Variants in CREB3L4 observed in about 807,000 individuals in gnomAD.
The protein encoded by CREB3L4 is cyclic AMP-responsive element-binding protein 3-like protein 4.
Under a neutral mutation model 37.0 loss-of-function variants are expected in CREB3L4, and 28 were observed. That is an observed-to-expected ratio of 0.76 (90% CI 0.56 to 1.04). CREB3L4 has a LOEUF of 1.04. Among genes scored for constraint, CREB3L4 ranks in the 50% least tolerant of loss-of-function variants. CREB3L4 has a pLI of 0.00. For synonymous variants in CREB3L4, 175 were observed against 192.2 expected, an observed-to-expected ratio of 0.91 and a Z score of 0.74; for missense variants, 462 against 486.0, an observed-to-expected ratio of 0.95 and a Z score of 0.46.
intron 1 of CREB3L4, 47 bp from the exon 2 acceptor site, chr1:153,968,475 C>G: frequency 3.2e-6 from 5 of 1,567,090 alleles, no homozygotes; most frequent in Non-Finnish European, 4.4e-6. Flanking sequence ...TAGTAAGCAG[C>G]CATCATTCCG....
rs1407492191 is a variant in CREB3L4 at position 153,973,391 on chromosome 1, C to G, written c.824C>G (p.Ala275Gly). Reference sequence around the variant, plus strand: ...TCCTCCTTTCCCAGCTCCTTGGTAGCTCAGCTCCGCCAGCTGCAGACGCTA... The same window carrying G: ...TCCTCCTTTCCCAGCTCCTTGGTAGGTCAGCTCCGCCAGCTGCAGACGCTA... ...ELERHNISLV[A>G]QLRQLQTLIA... Residue 275 changes from alanine to glycine, a missense_variant, in exon 8 of 10, where the codon GCT becomes GGT. By Grantham distance (60) the Ala-to-Gly change is moderately conservative. Transcript: ENST00000368607. The G allele has an allele frequency of 1.2e-6, 2 of 1,614,036 alleles. No individual in the cohort carries two copies. The highest frequency in any genetic ancestry group is 3.3e-5 in the Admixed American group (2 of 59,996).
intron 1 of CREB3L4, 99 bp downstream of exon 1, chr1:153,968,263 A>G (rs6661009): frequency 3.2e-6 from 1 of 314,638 alleles, no homozygotes; most frequent in Non-Finnish European, 5.9e-6. Flanking sequence ...GTGTTTGGGG[A>G]GGTCAACGGG....
At chr1:153,968,263 A>C (rs6661009) in intron 1 of CREB3L4, 99 bp downstream of exon 1, 165,958 of 314,036 alleles carry the variant, frequency 0.53, 47,505 homozygotes, top group East Asian at 0.94. Flanking sequence ...GTGTTTGGGG[A>C]GGTCAACGGG....
Position 153,974,245 on chromosome 1 carries a change from T to C in CREB3L4, c.*180T>C. 1.8e-6 allele frequency: 1 copy of C among 569,396 alleles called. No homozygotes were observed. Among genetic ancestry groups the C allele is most frequent in the Admixed American group, 3.0e-5 (1 of 32,802 alleles). 35.3% of individuals were successfully genotyped at this position (569,396 alleles called of 1,614,324 possible). ...GAGGCCTAGTCTGCATTTGTTTGCA[T>C]ATATGAGAGGGTACCTCAAATACTT... is the stretch of plus-strand genomic sequence containing the variant. On this transcript the variant is annotated 3_prime_UTR_variant, in exon 10 of 10. Coordinates refer to ENST00000368607, the MANE Select transcript of CREB3L4 (RefSeq NM_001255978.2).
At chr1:153,968,876 G>C in intron 2 of CREB3L4, 54 bp from the exon 3 acceptor site, 1 of 1,552,592 alleles carries the variant, frequency 6.4e-7, no homozygotes, top group South Asian at 1.2e-5. Flanking sequence ...CATAAGTCAG[G>C]GAGGACTTCC....
upstream of CREB3L4, chr1:153,967,814 C>T (rs184126855): frequency 1.3e-5 from 2 of 152,318 alleles, no homozygotes; most frequent in East Asian, 3.9e-4. Flanking sequence ...AAGTCTTCAG[C>T]TTCCAATCAG....
rs748389952 is a variant in CREB3L4 at position 153,974,028 on chromosome 1, G to A, written c.1151G>A (p.Gly384Glu). ...EKMGGKPRPS[G>E]RIRSVLHADE... is the part of the protein sequence containing the mutation. ...ATGGGAGGGAAGCCAAGACCCAGTGGGCGCATCCGGTCCGTGCTGCATGCA... is the reference window on the plus strand; with the variant it reads ...ATGGGAGGGAAGCCAAGACCCAGTGAGCGCATCCGGTCCGTGCTGCATGCA... The change falls in exon 10 of 10, where the codon GGG (glycine) becomes GAG (glutamate). Residue 384 changes from glycine (G) to glutamate (E), a missense_variant. Physicochemically the swap from Gly to Glu is moderately conservative, Grantham distance 98. Transcript: ENST00000368607. 1.9e-6 allele frequency: 3 copies of A among 1,613,968 alleles called. No homozygotes were observed. Among genetic ancestry groups the A allele is most frequent in the African/African-American group, 2.7e-5 (2 of 74,906 alleles).
intron 3 of CREB3L4, 52 bp from the exon 4 acceptor site, chr1:153,969,282 G>T: frequency 6.2e-7 from 1 of 1,614,116 alleles, no homozygotes; most frequent in Non-Finnish European, 8.5e-7. Context: ...CCCTGCGGCT[G>T]TCAGGGTGTT....
intron 4 of CREB3L4, 71 bp downstream of exon 4, chr1:153,969,526 T>A (rs1648137746): frequency 6.4e-7 from 1 of 1,556,638 alleles, no homozygotes; most frequent in African/African-American, 1.4e-5. Context: ...AGCAAAGGGA[T>A]GAGGGAATGG....
chr1:153,969,080 TCTC>T lies in CREB3L4; in HGVS notation c.328_330del (p.Pro110del). Reference sequence around the variant, plus strand: ...TCCCCCTGCCCCCAGGGCAACCAGTTCTCCTATGCTCTATGAGGTTGTCTATGA... The same window carrying T: ...TCCCCCTGCCCCCAGGGCAACCAGTTCTATGCTCTATGAGGTTGTCTATGA... On this transcript the variant is annotated inframe_deletion, in exon 3 of 10. Coordinates refer to ENST00000368607, the MANE Select transcript of CREB3L4 (RefSeq NM_001255978.2). 1 of 1,614,066 alleles carries T rather than the reference TCTC, an allele frequency of 6.2e-7. No homozygotes were observed. The highest frequency in any genetic ancestry group is 8.5e-7 in the Non-Finnish European group (1 of 1,179,988).
Position 153,974,273 on chromosome 1 carries a change from G to A in CREB3L4, c.*208G>A, listed in dbSNP as rs565021994. On this transcript the variant is annotated 3_prime_UTR_variant, in exon 10 of 10. Transcript: ENST00000368607. ...ATGAGAGGGTACCTCAAATACTTCT[G>A]TTATGTATCTGTGATTTTATTTCTT... 1.3e-5 allele frequency: 7 copies of A among 521,678 alleles called. No individual in the cohort carries two copies. In the East Asian group the frequency reaches 2.0e-4, roughly 15 times the overall value. The allele number at this position is 521,678 out of a possible 1,614,324, so 32.3% of individuals were successfully genotyped here.
At chr1:153,971,980 G>A (rs1056226694) in intron 4 of CREB3L4, among the ~76,000 whole-genome samples, 2 of 151,982 alleles carry the variant, frequency 1.3e-5, no homozygotes, top group Non-Finnish European at 1.5e-5. Flanking sequence ...CCACCACCAC[G>A]CCCTGCTAAT....
At chr1:153,972,034 G>A (rs1361061808) in intron 4 of CREB3L4, among the ~76,000 whole-genome samples, 2 of 152,162 alleles carry the variant, frequency 1.3e-5, no homozygotes, top group East Asian at 3.9e-4. Context: ...TGTTGGCCAG[G>A]CTGGTCTTGA....
chr1:153,968,510 G>C lies in CREB3L4; in HGVS notation c.-4-12G>C, dbSNP rs200337051. Reference sequence around the variant, plus strand: ...GTTTCTGCAACCCTCCGTCCCACACGCCTTCCTGCAGAAGCATGGATCTCG... The same window carrying C: ...GTTTCTGCAACCCTCCGTCCCACACCCCTTCCTGCAGAAGCATGGATCTCG... On this transcript the variant is annotated splice_polypyrimidine_tract_variant and intron_variant, in intron 1 of 9. Coordinates refer to ENST00000368607, the MANE Select transcript of CREB3L4 (RefSeq NM_001255978.2). The C allele has an allele frequency of 6.6e-5, 107 of 1,609,398 alleles. 1 individual carries two copies. Among genetic ancestry groups the C allele is most frequent in the Non-Finnish European group, 8.8e-5 (104 of 1,177,072 alleles).
In CREB3L4 at chr1:153,969,328, C is replaced by T. The variant is rs1349901389; in HGVS notation, c.422-6C>T. The T allele has an allele frequency of 1.9e-6, 3 of 1,614,130 alleles. No individual in the cohort carries two copies. Among genetic ancestry groups the T allele is most frequent in the African/African-American group, 2.7e-5 (2 of 74,932 alleles). On this transcript the variant is annotated splice_region_variant and splice_polypyrimidine_tract_variant and intron_variant, in intron 3 of 9. Coordinates refer to ENST00000368607, the MANE Select transcript of CREB3L4 (RefSeq NM_001255978.2). ...CTTTCTCCCAGCTACCTGTTTTCTACTCCAGATCAGTGGAGCCCAGCATTT... is the reference window on the plus strand; with the variant it reads ...CTTTCTCCCAGCTACCTGTTTTCTATTCCAGATCAGTGGAGCCCAGCATTT...
rs747992305 is a variant in CREB3L4 at position 153,972,735 on chromosome 1, T to TACCCCC, written c.544-7_544-2dup. ...CTCCTATTGCATCTTCTCCTGCCCC[T>TACCCCC]ACCCCCAGCTGCCCTGTCAAACCCT... On this transcript the variant is annotated splice_polypyrimidine_tract_variant and intron_variant, in intron 4 of 9. Coordinates refer to ENST00000368607, the MANE Select transcript of CREB3L4 (RefSeq NM_001255978.2). 6.2e-7 allele frequency: 1 copy of TACCCCC among 1,612,116 alleles called. No individual in the cohort carries two copies. The highest frequency in any genetic ancestry group is 1.1e-5 in the South Asian group (1 of 90,908).
In CREB3L4 at chr1:153,970,425, C is replaced by T. The variant is rs1431770997; in HGVS notation, c.543+970C>T. Among the ~76,000 whole-genome samples the T allele has an allele frequency of 1.2e-4, 18 of 152,248 alleles. No individual in the cohort carries two copies. The East Asian group carries it at 3.1e-3, about 26-fold the overall frequency. ...CAGGACACAGAAATGGGACAGGCCA[C>T]CTGGGAATCCCAACTGGTTATAGGT... On this transcript the variant is annotated intron_variant, in intron 4 of 9. Transcript: ENST00000368607.
Position 153,968,484 on chromosome 1 carries a change from C to A in CREB3L4, c.-4-38C>A, listed in dbSNP as rs1342017006. The A allele has an allele frequency of 2.5e-6, 4 of 1,590,690 alleles. No homozygotes were observed. In the South Asian group the frequency reaches 4.5e-5, roughly 18 times the overall value. Reference sequence around the variant, plus strand: ...AGGGGGTAGTAAGCAGCCATCATTCCGTTTCTGCAACCCTCCGTCCCACAC... The same window carrying A: ...AGGGGGTAGTAAGCAGCCATCATTCAGTTTCTGCAACCCTCCGTCCCACAC... On this transcript the variant is annotated intron_variant, in intron 1 of 9. Coordinates refer to ENST00000368607, the MANE Select transcript of CREB3L4 (RefSeq NM_001255978.2).
intron 9 of CREB3L4, 24 bp from the exon 10 acceptor site, chr1:153,973,848 T>G: frequency 6.2e-7 from 1 of 1,611,586 alleles, no homozygotes; most frequent in Non-Finnish European, 8.5e-7. Context: ...ACTCTACTAC[T>G]GCCCTCTTGC....
Sources: gnomAD v4.1 joint callset for allele counts (sites outside exome capture counted in the v4.1 genomes callset) on GRCh38, gnomAD v4.1.1 for gene constraint, MANE v1.5 for transcripts, NCBI Gene and HGNC (gene_info 2026-07-23, HGNC 2026-07-21) for gene names.